Variants in ARMC10 observed in about 807,000 individuals in gnomAD.
The protein encoded by ARMC10 is armadillo repeat-containing protein 10.
Under a neutral mutation model 30.2 loss-of-function variants are expected in ARMC10, and 23 were observed. The ratio of observed to expected loss-of-function variants is 0.76; its 90% CI spans 0.55 to 1.08. The LOEUF is 1.08. Among genes scored for constraint, ARMC10 ranks in the 50% least tolerant of loss-of-function variants. The pLI is 0.00. For missense variants in ARMC10, 303 were observed against 413.7 expected (o/e 0.73, Z 2.32); for synonymous variants, 111 against 164.4 (o/e 0.68, Z 2.48).
At chr7:103,076,225 G>A (rs1020407071) in intron 2 of ARMC10, among the ~76,000 whole-genome samples, 22 of 152,258 alleles carry the variant, frequency 1.4e-4, no homozygotes, top group African/African-American at 4.8e-4. Flanking sequence ...TATTACATAC[G>A]TGTTCTCAAG....
At chr7:103,090,828 G>C (rs1801254688) in intron 4 of ARMC10, among the ~76,000 whole-genome samples, 1 of 152,038 alleles carries the variant, frequency 6.6e-6, no homozygotes. Flanking sequence ...GCTGCAGTGA[G>C]CTGTTATCAC....
intron 2 of ARMC10, among the ~76,000 whole-genome samples, chr7:103,082,069 T>C (rs4729869): frequency 0.96 from 146,953 of 152,304 alleles, 71,087 homozygotes; most frequent in Middle Eastern, 1. Context: ...TTCTAAAAAG[T>C]TGTGTTTTTA....
chr7:103,090,265 A>T (rs1211026256), intron 4 of ARMC10, among the ~76,000 whole-genome samples: 5 of 152,250 alleles, frequency 3.3e-5, no homozygotes, highest in Non-Finnish European at 7.3e-5. Context: ...AGACATCAGC[A>T]TCTTACAGAA....
intron 2 of ARMC10, among the ~76,000 whole-genome samples, chr7:103,082,317 CTTTA>C (rs761073077): frequency 2.0e-5 from 3 of 151,386 alleles, no homozygotes; most frequent in Admixed American, 1.3e-4. Context: ...ATACTTGTCC[CTTTA>C]TTTATTTTTG....
At chr7:103,080,581 A>G (rs1800292780) in intron 2 of ARMC10, among the ~76,000 whole-genome samples, 1 of 151,118 alleles carries the variant, frequency 6.6e-6, no homozygotes, top group Admixed American at 6.6e-5. Context: ...TAGAAATTCA[A>G]AGAGAATATA....
chr7:103,075,415 G>T lies in ARMC10; in HGVS notation c.139+4G>T, dbSNP rs775642271. On this transcript the variant is annotated splice_donor_region_variant and intron_variant, in intron 1 of 6. Transcript: ENST00000323716. ...ATACGCTCTTCGAAGTCCGCAGGTG[G>T]GACCCCGGGGTTTCCGGCAGGTGGG... is the stretch of plus-strand genomic sequence containing the variant. 20 of 1,291,086 alleles carry T rather than the reference G, an allele frequency of 1.5e-5. No homozygotes were observed. Among genetic ancestry groups the T allele is most frequent in the Non-Finnish European group, 1.8e-5 (18 of 1,016,732 alleles). The allele number at this position is 1,291,086 out of a possible 1,614,324, so 80.0% of individuals were successfully genotyped here. A position where few individuals can be genotyped will look rare whatever the true frequency, so the allele number is the denominator to read the frequency against.
At chr7:103,082,020 G>A (rs1800426559) in intron 2 of ARMC10, 1 of 406,500 alleles carries the variant, frequency 2.5e-6, no homozygotes, top group Non-Finnish European at 4.9e-6. Flanking sequence ...TTCTTCCTGT[G>A]TAAAATAAGA....
At chr7:103,080,033 T>C (rs1168634167) in intron 2 of ARMC10, among the ~76,000 whole-genome samples, 1 of 152,166 alleles carries the variant, frequency 6.6e-6, no homozygotes, top group Non-Finnish European at 1.5e-5. Flanking sequence ...TTCTCCTTGA[T>C]TTACTGGAGG....
At chr7:103,088,354 A>G (rs1257671636) in intron 4 of ARMC10, among the ~76,000 whole-genome samples, 2 of 152,206 alleles carry the variant, frequency 1.3e-5, no homozygotes, top group Non-Finnish European at 2.9e-5. Flanking sequence ...ATTTTGAATT[A>G]GCATGTTTTA....
At position 103,075,410 on chromosome 7, in the gene ARMC10, A is replaced by C; in HGVS notation, c.138A>C (p.Ala46=). ...TCGGGATACGCTCTTCGAAGTCCGC[A>C]GGTGGGACCCCGGGGTTTCCGGCAG... is the stretch of plus-strand genomic sequence containing the variant. ...RELGIRSSKS[A]GALEEGTSEG... is the part of the protein sequence containing the mutation. The change falls in exon 1 of 7, where the codon GCA becomes GCC. Residue 46 remains alanine, a splice_region_variant and synonymous_variant. Transcript: ENST00000323716. 7.7e-7 allele frequency: 1 copy of C among 1,291,162 alleles called. No homozygotes were observed. The highest frequency in any genetic ancestry group is 3.4e-5 in the South Asian group (1 of 29,500). The allele number at this position is 1,291,162 out of a possible 1,614,324, so 80.0% of individuals were successfully genotyped here. A position where few individuals can be genotyped will look rare whatever the true frequency, so the allele number is the denominator to read the frequency against.
chr7:103,075,450 G>T, intron 1 of ARMC10, 39 bp downstream of exon 1: 1 of 1,281,828 alleles, frequency 7.8e-7, no homozygotes, highest in East Asian at 2.9e-5. Context: ...GCGGGGACTG[G>T]GCAGGGGGGC....
intron 3 of ARMC10, among the ~76,000 whole-genome samples, chr7:103,085,907 G>T (rs137907512): frequency 6.6e-6 from 1 of 152,038 alleles, no homozygotes; most frequent in Non-Finnish European, 1.5e-5. Context: ...GAGCCACTGC[G>T]CCTGGCCCTG....
At chr7:103,081,576 T>A (rs940322981) in intron 2 of ARMC10, among the ~76,000 whole-genome samples, 5 of 152,120 alleles carry the variant, frequency 3.3e-5, no homozygotes, top group African/African-American at 7.2e-5. Context: ...GGTTTCACCA[T>A]GTTGGCCAGG....
intron 4 of ARMC10, chr7:103,089,256 AC>A: frequency 4.2e-6 from 1 of 237,718 alleles, no homozygotes. Context: ...GATATGGGAT[AC>A]CAATGGCAGC....
In ARMC10 at chr7:103,092,986, T is replaced by C. The variant is rs1052609099; in HGVS notation, c.705+333T>C. On this transcript the variant is annotated intron_variant, in intron 5 of 6. Coordinates refer to ENST00000323716, the MANE Select transcript of ARMC10 (RefSeq NM_031905.5). Reference sequence around the variant, plus strand: ...CCTCAGGGTTAACAAATCATTTTTTTGATTCAGTTATTTGTTGAAAAATAT... The same window carrying C: ...CCTCAGGGTTAACAAATCATTTTTTCGATTCAGTTATTTGTTGAAAAATAT... Among the ~76,000 whole-genome samples, 31 of 29,354 alleles carry C rather than the reference T, an allele frequency of 1.1e-3. No individual in the cohort carries two copies. The Non-Finnish European group carries it at 0.07, about 66-fold the overall frequency. The allele number at this position is 29,354 out of a possible 152,430, so 19.3% of individuals were successfully genotyped here. A position where few individuals can be genotyped will look rare whatever the true frequency, so the allele number is the denominator to read the frequency against.
At chr7:103,085,406 G>A (rs1056988120) in intron 3 of ARMC10, among the ~76,000 whole-genome samples, 2 of 152,094 alleles carry the variant, frequency 1.3e-5, no homozygotes, top group Non-Finnish European at 2.9e-5. Context: ...GTAGATTTTG[G>A]CAGTCTTTTT....
At position 103,088,109 on chromosome 7, in the gene ARMC10, T is replaced by A. The variant is rs574488738; in HGVS notation, c.528+1345T>A. ...ATTGACAATCAATTAGAATATCCAA[T>A]GAAGTGGATATTCTAATATTTGGAG... On this transcript the variant is annotated intron_variant, in intron 4 of 6. Transcript: ENST00000323716. 2.0e-5 allele frequency among the ~76,000 whole-genome samples: 3 copies of A among 152,222 alleles called. No homozygotes were observed. In the East Asian group the frequency reaches 5.8e-4, roughly 29 times the overall value.
chr7:103,083,996 C>A, intron 3 of ARMC10, 166 bp downstream of exon 3: 1 of 1,502,710 alleles, frequency 6.7e-7, no homozygotes, highest in Non-Finnish European at 8.9e-7. Flanking sequence ...AAAAACACAG[C>A]CTAATAGTGA....
At chr7:103,080,669 C>G (rs1345201484) in intron 2 of ARMC10, among the ~76,000 whole-genome samples, 1 of 151,782 alleles carries the variant, frequency 6.6e-6, no homozygotes, top group African/African-American at 2.4e-5. Context: ...GCTCTGTTGC[C>G]CAGGCTGGAG....
Sources: gnomAD v4.1 joint callset for allele counts (sites outside exome capture counted in the v4.1 genomes callset) on GRCh38, gnomAD v4.1.1 for gene constraint, MANE v1.5 for transcripts, NCBI Gene and HGNC (gene_info 2026-07-23, HGNC 2026-07-21) for gene names.